GOLPH3L: variants seen among roughly 807,000 people sequenced by gnomAD.
GOLPH3L encodes Golgi phosphoprotein 3-like.
A neutral mutation model predicts 30.3 loss-of-function variants in GOLPH3L; 22 were observed. The observed-to-expected ratio is 0.73, with a 90% confidence interval of 0.52 to 1.04. GOLPH3L has a LOEUF of 1.04. Among genes scored for constraint, GOLPH3L ranks in the 50% least tolerant of loss-of-function variants. The probability of loss-of-function intolerance (pLI) is 0.00; values close to 1 mark genes in which losing one functional copy is unlikely to be tolerated. For missense variants in GOLPH3L, 303 were observed against 345.8 expected, an observed-to-expected ratio of 0.88 and a Z score of 0.98; for synonymous variants, 120 against 128.2, an observed-to-expected ratio of 0.94 and a Z score of 0.43.
At chr1:150,687,855 C>T (rs1651123112) in intron 2 of GOLPH3L, among the ~76,000 whole-genome samples, 1 of 152,088 alleles carries the variant, frequency 6.6e-6, no homozygotes, top group Admixed American at 6.6e-5. Context: ...TCATAATGAA[C>T]TCTTGAATGT....
At chr1:150,652,892 G>T (rs1010443293) in intron 4 of GOLPH3L, among the ~76,000 whole-genome samples, 5 of 151,904 alleles carry the variant, frequency 3.3e-5, no homozygotes, top group Admixed American at 3.3e-4. Context: ...AAATAAGGAG[G>T]TTAATATAAC....
chr1:150,667,497 T>C (rs1314716854), intron 2 of GOLPH3L, among the ~76,000 whole-genome samples: 5 of 152,100 alleles, frequency 3.3e-5, no homozygotes, highest in Admixed American at 2.0e-4. Flanking sequence ...AGGCCAAGAG[T>C]TGGCCAGCCT....
At chr1:150,664,995 A>T (rs1284542388) in intron 2 of GOLPH3L, among the ~76,000 whole-genome samples, 2 of 152,194 alleles carry the variant, frequency 1.3e-5, no homozygotes, top group Non-Finnish European at 2.9e-5. Context: ...TATAGGGAAT[A>T]TACGTATAAG....
At chr1:150,675,830 G>A (rs1406839366) in intron 2 of GOLPH3L, among the ~76,000 whole-genome samples, 7 of 127,372 alleles carry the variant, frequency 5.5e-5, no homozygotes, top group Admixed American at 8.3e-5. Flanking sequence ...AGAGATAGAA[G>A]AAACTGCGAA....
intron 2 of GOLPH3L, among the ~76,000 whole-genome samples, chr1:150,693,178 TAC>T (rs1433108893): frequency 6.6e-6 from 1 of 152,192 alleles, no homozygotes; most frequent in Non-Finnish European, 1.5e-5. Flanking sequence ...GTTTTAACAA[TAC>T]ACAGACTATA....
At position 150,694,791 on chromosome 1, in the gene GOLPH3L, G is replaced by C. The variant is rs1651307362; in HGVS notation, c.48C>G (p.Asn16Lys). 1.2e-6 allele frequency: 2 copies of C among 1,612,936 alleles called. No individual in the cohort carries two copies. The highest frequency in any genetic ancestry group is 2.7e-5 in the African/African-American group (2 of 74,836). Residue 16 changes from asparagine to lysine, a missense_variant, in exon 2 of 5, where the codon AAC (asparagine) becomes AAG (lysine). By Grantham distance (94) the Asn-to-Lys change is moderately conservative. Transcript: ENST00000271732. ...HRARRTEISKNSEKKMESEED... is the reference protein window; with the variant it reads ...HRARRTEISKKSEKKMESEED... Reference sequence around the variant, plus strand: ...CCTCACTTTCCATCTTCTTTTCAGAGTTCTTGCTTATTTCAGTGCGACGGG... The same window carrying C: ...CCTCACTTTCCATCTTCTTTTCAGACTTCTTGCTTATTTCAGTGCGACGGG...
At chr1:150,689,329 C>T (rs1452780773) in intron 2 of GOLPH3L, among the ~76,000 whole-genome samples, 1 of 152,156 alleles carries the variant, frequency 6.6e-6, no homozygotes, top group East Asian at 1.9e-4. Flanking sequence ...TTACAGGTAA[C>T]TTAAGAAACG....
intron 2 of GOLPH3L, among the ~76,000 whole-genome samples, chr1:150,677,424 G>T (rs1260917975): frequency 6.6e-6 from 1 of 151,520 alleles, no homozygotes; most frequent in Non-Finnish European, 1.5e-5. Context: ...TTTTAGTAGA[G>T]ATGGGGTTTC....
chr1:150,647,495 G>GAAAA lies in GOLPH3L; in HGVS notation c.*822_*825dup. 1 of 101,264 alleles carries GAAAA rather than the reference G, an allele frequency of 9.9e-6. No individual in the cohort carries two copies. Among genetic ancestry groups the GAAAA allele is most frequent in the Non-Finnish European group, 2.2e-5 (1 of 46,332 alleles). 6.3% of individuals were successfully genotyped at this position (101,264 alleles called of 1,614,324 possible). A position where few individuals can be genotyped will look rare whatever the true frequency, so the allele number is the denominator to read the frequency against. On this transcript the variant is annotated 3_prime_UTR_variant, in exon 5 of 5. Coordinates refer to ENST00000271732, the MANE Select transcript of GOLPH3L (RefSeq NM_018178.6). ...GCAAGAGCAAGACCCTGTCTCAAAA[G>GAAAA]AAAAAAAAAAAAAAAGTGGCCTGGG...
At chr1:150,667,883 C>A (rs903323404) in intron 2 of GOLPH3L, among the ~76,000 whole-genome samples, 2 of 152,104 alleles carry the variant, frequency 1.3e-5, no homozygotes, top group Non-Finnish European at 2.9e-5. Context: ...AGTGAGCCAC[C>A]ACGCCCGGCC....
At position 150,648,467 on chromosome 1, in the gene GOLPH3L, C is replaced by T; in HGVS notation, c.712G>A (p.Val238Ile). The change falls in exon 5 of 5, where the codon GTC (valine) becomes ATC (isoleucine). Residue 238 changes from valine (V) to isoleucine (I), a missense_variant. Val to Ile is a conservative substitution (Grantham distance 29). Coordinates refer to ENST00000271732, the MANE Select transcript of GOLPH3L (RefSeq NM_018178.6). ...LAHSSDVLEN[V>I]FSSLTDDKYD... is the part of the protein sequence containing the mutation. ...TTGTCATCTGTCAGAGAGGAGAAGA[C>T]ATTCTCTAGCACATCAGAGGAGTGG... The T allele has an allele frequency of 6.2e-7, 1 of 1,614,080 alleles. No individual in the cohort carries two copies. The highest frequency in any genetic ancestry group is 8.5e-7 in the Non-Finnish European group (1 of 1,179,936).
At chr1:150,651,736 A>T (rs1014037779) in intron 4 of GOLPH3L, among the ~76,000 whole-genome samples, 2 of 151,840 alleles carry the variant, frequency 1.3e-5, no homozygotes, top group African/African-American at 4.8e-5. Flanking sequence ...ATAAAGAATT[A>T]GCAAACTTAG....
rs1651177045 is a variant in GOLPH3L, at chr1:150,690,184, A to G, written c.183+4472T>C. Among the ~76,000 whole-genome samples the G allele has an allele frequency of 4.0e-5, 6 of 151,698 alleles. No individual in the cohort carries two copies. The South Asian group carries it at 1.2e-3, about 31-fold the overall frequency. On this transcript the variant is annotated intron_variant, in intron 2 of 4. Transcript: ENST00000271732. Reference sequence around the variant, plus strand: ...ATATTTTTTGTAGAGATGAGGTCTCACTATGTTGCCCAGGTTGGTCTAGAA... The same window carrying G: ...ATATTTTTTGTAGAGATGAGGTCTCGCTATGTTGCCCAGGTTGGTCTAGAA...
chr1:150,693,002 A>G (rs1651247293), intron 2 of GOLPH3L, among the ~76,000 whole-genome samples: 1 of 152,196 alleles, frequency 6.6e-6, no homozygotes, highest in Non-Finnish European at 1.5e-5. Context: ...CTTCAGTCCT[A>G]TTCTGACATT....
chr1:150,672,427 T>TTATG (rs1016803895), intron 2 of GOLPH3L, among the ~76,000 whole-genome samples: 91 of 152,232 alleles, frequency 6.0e-4, no homozygotes, highest in Non-Finnish European at 1.0e-3. Context: ...TAAAGACATT[T>TTATG]TATGTATGTA....
In GOLPH3L at chr1:150,671,528, C is replaced by T. The variant is rs186533531; in HGVS notation, c.184-7765G>A. ...TGGCAAAAAAAGAGGAAAGAAGGGC[C>T]GGGCGCGGTGGCTCACGCCTGTAAT... On this transcript the variant is annotated intron_variant, in intron 2 of 4. Transcript: ENST00000271732. 4.9e-3 allele frequency among the ~76,000 whole-genome samples: 746 copies of T among 151,636 alleles called. 8 individuals are homozygous for T. Among genetic ancestry groups the T allele is most frequent in the African/African-American group, 0.013 (521 of 41,352 alleles).
intron 2 of GOLPH3L, 72 bp downstream of exon 2, chr1:150,694,581 TCCA>T: frequency 1.2e-6 from 1 of 863,222 alleles, no homozygotes; most frequent in Non-Finnish European, 1.8e-6. Context: ...TTAAATATAT[TCCA>T]TTAGGTTACT....
rs1557791446 is a variant in GOLPH3L, at chr1:150,693,840, T to TATATATAC, written c.183+815_183+816insGTATATAT. On this transcript the variant is annotated intron_variant, in intron 2 of 4. Transcript: ENST00000271732. Reference sequence around the variant, plus strand: ...GTGTGTATATATATATATATATATATATATATATTTTTTTTTTTTTTTTTT... The same window carrying TATATATAC: ...GTGTGTATATATATATATATATATATATATATACATATATATTTTTTTTTTTTTTTTTT... 1.0e-4 allele frequency among the ~76,000 whole-genome samples: 8 copies of TATATATAC among 79,188 alleles called. No homozygotes were observed. In the East Asian group the frequency reaches 2.8e-3, roughly 28 times the overall value. 52.0% of individuals were successfully genotyped at this position (79,188 alleles called of 152,430 possible).
intron 2 of GOLPH3L, among the ~76,000 whole-genome samples, chr1:150,691,759 T>C (rs1433256354): frequency 6.6e-6 from 1 of 152,236 alleles, no homozygotes; most frequent in East Asian, 1.9e-4. Flanking sequence ...TTGAGTTTCA[T>C]ATAAATGGAA....
Sources: gnomAD v4.1 joint callset for allele counts (sites outside exome capture counted in the v4.1 genomes callset) on GRCh38, gnomAD v4.1.1 for gene constraint, MANE v1.5 for transcripts, NCBI Gene and HGNC (gene_info 2026-07-23, HGNC 2026-07-21) for gene names.